BANK1: variants seen among roughly 807,000 people sequenced by gnomAD.
BANK1 encodes the protein B-cell scaffold protein with ankyrin repeats.
A neutral mutation model predicts 94.5 loss-of-function variants in BANK1; 95 were observed. That is an observed-to-expected ratio of 1.00 (90% CI 0.85 to 1.19). BANK1 has a LOEUF of 1.19. Among genes scored for constraint, BANK1 ranks in the 50% most tolerant of loss-of-function variants. The pLI, the probability that BANK1 is intolerant of heterozygous loss-of-function variation, is 0.00. For missense variants in BANK1, 987 were observed against 932.2 expected, an observed-to-expected ratio of 1.06 and a Z score of -0.77; for synonymous variants, 334 against 308.4, an observed-to-expected ratio of 1.08 and a Z score of -0.87.
At chr4:101,864,792 G>A (rs1251103085) in intron 4 of BANK1, among the ~76,000 whole-genome samples, 1 of 152,142 alleles carries the variant, frequency 6.6e-6, no homozygotes, top group Non-Finnish European at 1.5e-5. Context: ...AAAAGAATAT[G>A]AACTAGTGGT....
At chr4:101,958,261 C>T (rs893379940) in intron 7 of BANK1, among the ~76,000 whole-genome samples, 1 of 152,098 alleles carries the variant, frequency 6.6e-6, no homozygotes, top group Admixed American at 6.6e-5. Context: ...AGTAATTCTG[C>T]AAGAAAGACA....
chr4:102,057,241 GCTCTCTCTCTCTTTCTCTTT>G (rs1728256959), intron 11 of BANK1, among the ~76,000 whole-genome samples: 1 of 140,820 alleles, frequency 7.1e-6, no homozygotes, highest in African/African-American at 2.6e-5. Context: ...TCTCTCTCTT[GCTCTCTCTCTCTTTCTCTTT>G]CTCTCTCTCT....
chr4:102,021,656 C>T, intron 8 of BANK1, 64 bp downstream of exon 8: 1 of 636,696 alleles, frequency 1.6e-6, no homozygotes, highest in Non-Finnish European at 2.4e-6. Context: ...ATATATGTGA[C>T]TTATGGAAGA....
chr4:102,019,987 A>T (rs572130627), intron 7 of BANK1, among the ~76,000 whole-genome samples: 1 of 152,176 alleles, frequency 6.6e-6, no homozygotes, highest in Non-Finnish European at 1.5e-5. Context: ...ATATGGCTTC[A>T]GTTATGACAC....
chr4:101,987,094 G>T (rs1408515659), intron 7 of BANK1, among the ~76,000 whole-genome samples: 1 of 151,202 alleles, frequency 6.6e-6, no homozygotes, highest in Non-Finnish European at 1.5e-5. Context: ...CTGGAGCTGG[G>T]CTTCCTGATG....
intron 6 of BANK1, among the ~76,000 whole-genome samples, chr4:101,913,503 C>T (rs2148898449): frequency 6.6e-6 from 1 of 152,326 alleles, no homozygotes; most frequent in Non-Finnish European, 1.5e-5. Context: ...ACATGGACCG[C>T]AAGCTCCCAG....
At chr4:102,031,993 A>G (rs1727333703) in intron 10 of BANK1, among the ~76,000 whole-genome samples, 1 of 152,248 alleles carries the variant, frequency 6.6e-6, no homozygotes, top group African/African-American at 2.4e-5. Flanking sequence ...CTGAAATAAA[A>G]CATGAATTGG....
intron 11 of BANK1, among the ~76,000 whole-genome samples, chr4:102,059,414 C>G (rs578021928): frequency 1.4e-4 from 22 of 152,312 alleles, no homozygotes; most frequent in African/African-American, 5.1e-4. Flanking sequence ...GTTCCAGCAG[C>G]CAGGCAGGTA....
At chr4:102,031,598 A>G (rs1241925111) in intron 10 of BANK1, among the ~76,000 whole-genome samples, 1 of 152,174 alleles carries the variant, frequency 6.6e-6, no homozygotes, top group African/African-American at 2.4e-5. Context: ...CTACTTCCTC[A>G]TTAAAAAGGA....
intron 6 of BANK1, among the ~76,000 whole-genome samples, chr4:101,915,856 A>T (rs970677873): frequency 6.6e-6 from 1 of 152,074 alleles, no homozygotes; most frequent in African/African-American, 2.4e-5. Context: ...TTATATGTCT[A>T]ATCTTTTGAC....
chr4:101,897,931 C>A (rs370183465), intron 6 of BANK1, among the ~76,000 whole-genome samples: 6 of 151,314 alleles, frequency 4.0e-5, no homozygotes, highest in Admixed American at 1.3e-4. Context: ...AAGTTTTGAA[C>A]CATCACTATA....
At chr4:102,050,188 G>T (rs1374525182) in intron 11 of BANK1, among the ~76,000 whole-genome samples, 1 of 152,170 alleles carries the variant, frequency 6.6e-6, no homozygotes, top group Non-Finnish European at 1.5e-5. Context: ...TCTAAAACTT[G>T]CCTTGCTCTC....
At chr4:101,792,962 C>T (rs2148847180) in intron 1 of BANK1, among the ~76,000 whole-genome samples, 1 of 152,230 alleles carries the variant, frequency 6.6e-6, no homozygotes, top group Middle Eastern at 3.4e-3. Context: ...AAGAGAGATT[C>T]TTCCTGTTGT....
At chr4:101,895,474 A>G in intron 6 of BANK1, 64 bp downstream of exon 6, 1 of 1,001,470 alleles carries the variant, frequency 1.0e-6, no homozygotes, top group Non-Finnish European at 1.5e-6. Flanking sequence ...TAACTCTTTA[A>G]TGAATGTTAT....
At chr4:102,046,711 CTG>C (rs1395331935) in intron 11 of BANK1, among the ~76,000 whole-genome samples, 6 of 152,154 alleles carry the variant, frequency 3.9e-5, no homozygotes, top group Non-Finnish European at 7.3e-5. Flanking sequence ...GAGCTGAAAA[CTG>C]TAGCCACAGA....
chr4:101,809,576 GATA>G (rs1259467357), intron 1 of BANK1, among the ~76,000 whole-genome samples: 1 of 152,044 alleles, frequency 6.6e-6, no homozygotes, highest in Non-Finnish European at 1.5e-5. Flanking sequence ...AAAATGGAAA[GATA>G]ATAATTTGCA....
intron 1 of BANK1, among the ~76,000 whole-genome samples, chr4:101,825,097 G>A (rs1418033315): frequency 6.6e-6 from 1 of 152,084 alleles, no homozygotes; most frequent in Non-Finnish European, 1.5e-5. Flanking sequence ...GTCACTTTAT[G>A]ATGCAAGACT....
At position 101,790,963 on chromosome 4, in the gene BANK1, G is replaced by A. The variant is rs1269304700; in HGVS notation, c.70+13G>A. 2 of 1,494,476 alleles carry A rather than the reference G, an allele frequency of 1.3e-6. No individual in the cohort carries two copies. Among genetic ancestry groups the A allele is most frequent in the Non-Finnish European group, 1.8e-6 (2 of 1,128,190 alleles). The allele number at this position is 1,494,476 out of a possible 1,614,324, so 92.6% of individuals were successfully genotyped here. On this transcript the variant is annotated intron_variant, in intron 1 of 16. Coordinates refer to ENST00000322953, the MANE Select transcript of BANK1 (RefSeq NM_017935.5). ...CCAGCGCCCCCAGGTGGGTAGTCGC[G>A]CATTCGGAGGGGCTTGACGCCGAGG... is the stretch of plus-strand genomic sequence containing the variant.
At chr4:101,971,999 C>T (rs182405091) in intron 7 of BANK1, among the ~76,000 whole-genome samples, 3 of 151,948 alleles carry the variant, frequency 2.0e-5, no homozygotes, top group Admixed American at 1.3e-4. Flanking sequence ...ACTTTAGGAT[C>T]GTTTTTTCTA....
Sources: allele counts gnomAD v4.1 joint callset (sites outside exome capture counted in the v4.1 genomes callset), GRCh38; gene constraint gnomAD v4.1.1; transcripts MANE v1.5; gene names NCBI Gene and HGNC (gene_info 2026-07-23, HGNC 2026-07-21).